HDAC9: variants seen among roughly 807,000 people sequenced by gnomAD.
The protein encoded by HDAC9 is MEF-2 interacting transcription repressor (MITR) protein.
A neutral mutation model predicts 139.4 loss-of-function variants in HDAC9; 41 were observed. The observed-to-expected ratio is 0.29, with a 90% CI of 0.23 to 0.38. HDAC9 has a LOEUF of 0.38. Ranked by LOEUF, HDAC9 falls within the 10% of genes least tolerant of loss-of-function variation. The pLI is 1.00. For missense variants in HDAC9, 1,147 were observed against 1,297.0 expected, an observed-to-expected ratio of 0.88 and a Z score of 1.78; for synonymous variants, 517 against 476.2, an observed-to-expected ratio of 1.09 and a Z score of -1.12.
chr7:18,185,955 C>T (rs1789881999), intron 2 of HDAC9, among the ~76,000 whole-genome samples: 1 of 152,144 alleles, frequency 6.6e-6, no homozygotes, highest in Admixed American at 6.5e-5. Flanking sequence ...TCACATATTG[C>T]TGAATTGCAG....
At chr7:18,171,367 A>G (rs921467028) in intron 2 of HDAC9, among the ~76,000 whole-genome samples, 4 of 152,116 alleles carry the variant, frequency 2.6e-5, no homozygotes, top group Non-Finnish European at 4.4e-5. Context: ...GGGTTTTCTA[A>G]ATATACAATC....
At chr7:18,744,933 C>G (rs1454019207) in intron 13 of HDAC9, among the ~76,000 whole-genome samples, 1 of 152,022 alleles carries the variant, frequency 6.6e-6, no homozygotes, top group Non-Finnish European at 1.5e-5. Flanking sequence ...GTTTAAAATG[C>G]AGGTAAATAT....
chr7:18,525,203 G>T (rs1419749793), intron 2 of HDAC9, among the ~76,000 whole-genome samples: 1 of 151,762 alleles, frequency 6.6e-6, no homozygotes, highest in Admixed American at 6.6e-5. Flanking sequence ...TAATTTTGGA[G>T]CAAATGTGTT....
At chr7:18,237,824 A>G (rs78423815) in intron 2 of HDAC9, among the ~76,000 whole-genome samples, 3,696 of 152,310 alleles carry the variant, frequency 0.024, 147 homozygotes, top group African/African-American at 0.083. Context: ...TGTGGGCTGC[A>G]TATGTTCATT....
chr7:18,530,048 A>T (rs924230336), intron 2 of HDAC9, among the ~76,000 whole-genome samples: 1 of 152,008 alleles, frequency 6.6e-6, no homozygotes, highest in Non-Finnish European at 1.5e-5. Context: ...TGGCAGGAGG[A>T]TCACTTGAAC....
At chr7:18,401,368 G>C (rs1348493992) in intron 1 of HDAC9, among the ~76,000 whole-genome samples, 1 of 152,172 alleles carries the variant, frequency 6.6e-6, no homozygotes, top group African/African-American at 2.4e-5. Flanking sequence ...CTCATTTGAA[G>C]ATGCAGTTGG....
intron 1 of HDAC9, among the ~76,000 whole-genome samples, chr7:18,410,116 C>T (rs191510975): frequency 2.0e-5 from 3 of 152,094 alleles, no homozygotes; most frequent in South Asian, 2.1e-4. Flanking sequence ...TTTCTTCACT[C>T]TCTTGGTAAA....
At chr7:18,180,691 G>A (rs1262626739) in intron 2 of HDAC9, among the ~76,000 whole-genome samples, 2 of 152,098 alleles carry the variant, frequency 1.3e-5, no homozygotes. Flanking sequence ...TTATCTCTCT[G>A]GATATCAGTT....
At chr7:18,427,004 C>A (rs1190411714) in intron 1 of HDAC9, among the ~76,000 whole-genome samples, 2 of 151,980 alleles carry the variant, frequency 1.3e-5, no homozygotes, top group Admixed American at 1.3e-4. Flanking sequence ...GAAAGTAGCT[C>A]TGAATGATGA....
intron 1 of HDAC9, among the ~76,000 whole-genome samples, chr7:18,401,374 G>C (rs1787526857): frequency 6.6e-6 from 1 of 152,198 alleles, no homozygotes; most frequent in Non-Finnish European, 1.5e-5. Flanking sequence ...TGAAGATGCA[G>C]TTGGGAAGAG....
At chr7:18,526,417 G>A (rs909293550) in intron 2 of HDAC9, among the ~76,000 whole-genome samples, 2 of 152,170 alleles carry the variant, frequency 1.3e-5, no homozygotes, top group African/African-American at 4.8e-5. Context: ...GGAAACTTTT[G>A]TTGTAGATAT....
chr7:18,960,928 G>A (rs1231558861), intron 24 of HDAC9, among the ~76,000 whole-genome samples: 1 of 152,064 alleles, frequency 6.6e-6, no homozygotes, highest in Non-Finnish European at 1.5e-5. Context: ...GACCTCATGG[G>A]GCTATGTACA....
intron 1 of HDAC9, among the ~76,000 whole-genome samples, chr7:18,439,501 C>T (rs114414579): frequency 1.4e-3 from 220 of 152,282 alleles, no homozygotes; most frequent in African/African-American, 4.9e-3. Context: ...AGGTTCCCAA[C>T]ATCCTGTGCA....
chr7:18,648,595 G>A lies in HDAC9; in HGVS notation c.1379G>A (p.Ser460Asn). The A allele has an allele frequency of 1.2e-6, 2 of 1,613,556 alleles. No individual in the cohort carries two copies. The highest frequency in any genetic ancestry group is 2.2e-5 in the East Asian group (1 of 44,748). The part of the protein sequence containing the change: ...NRTQSAPLPQ[S>N]TLAQLVIQQQ... ...ACCCAGTCTGCACCTTTGCCTCAGA[G>A]CACGTTGGCTCAGCTGGTCATTCAA... Residue 460 changes from serine (S) to asparagine (N), a missense_variant, in exon 11 of 26, where the codon AGC (serine) becomes AAC (asparagine). Physicochemically the swap from Ser to Asn is conservative, Grantham distance 46. Transcript: ENST00000686413.
chr7:18,831,754 C>A (rs1456699490), intron 19 of HDAC9, among the ~76,000 whole-genome samples: 2 of 151,490 alleles, frequency 1.3e-5, no homozygotes, highest in African/African-American at 4.9e-5. Flanking sequence ...GTCTATTCTG[C>A]AAGTTAGCAA....
chr7:18,184,122 G>C (rs562691123), intron 2 of HDAC9, among the ~76,000 whole-genome samples: 5 of 152,296 alleles, frequency 3.3e-5, no homozygotes, highest in African/African-American at 1.2e-4. Flanking sequence ...CTATTGGCCG[G>C]GCGCGGCAGC....
chr7:18,913,173 G>A (rs781693679), intron 22 of HDAC9, among the ~76,000 whole-genome samples: 58 of 152,140 alleles, frequency 3.8e-4, no homozygotes, highest in African/African-American at 2.4e-4. Flanking sequence ...TAATTTCCAC[G>A]GTTGAACTTT....
intron 2 of HDAC9, among the ~76,000 whole-genome samples, chr7:18,503,213 T>A (rs934801347): frequency 6.6e-6 from 1 of 152,162 alleles, no homozygotes; most frequent in Non-Finnish European, 1.5e-5. Context: ...GTCCCCCCTG[T>A]TTTTGAAAGG....
chr7:18,861,470 G>C (rs560650956), intron 21 of HDAC9, among the ~76,000 whole-genome samples: 1 of 152,230 alleles, frequency 6.6e-6, no homozygotes, highest in South Asian at 2.1e-4. Flanking sequence ...CTATGCTTGC[G>C]TATAGGATTT....
Sources: allele counts gnomAD v4.1 joint callset (sites outside exome capture counted in the v4.1 genomes callset), GRCh38; gene constraint gnomAD v4.1.1; transcripts MANE v1.5; gene names NCBI Gene and HGNC (gene_info 2026-07-23, HGNC 2026-07-21).